CUX1: variants seen among roughly 807,000 people sequenced by gnomAD.
CUX1 encodes cut like homeobox 1.
In CUX1, 31 loss-of-function variants were observed where a neutral mutation model predicts 158.8. The ratio of observed to expected loss-of-function variants is 0.20; its 90% confidence interval spans 0.15 to 0.26. The LOEUF is 0.26. Ranked by LOEUF, CUX1 falls within the 10% of genes least tolerant of loss-of-function variation. The pLI is 1.00. For synonymous variants in CUX1, 879 were observed against 862.1 expected (o/e 1.02, Z -0.34); for missense variants, 1,589 against 2,014.6 (o/e 0.79, Z 4.04).
chr7:101,995,002 C>T (rs552151570), intron 2 of CUX1, among the ~76,000 whole-genome samples: 27 of 151,436 alleles, frequency 1.8e-4, no homozygotes, highest in South Asian at 4.2e-4. Context: ...AAGGCCGAGA[C>T]GGGGGGATCA....
At chr7:101,964,003 C>G (rs772601673) in intron 2 of CUX1, among the ~76,000 whole-genome samples, 1 of 151,860 alleles carries the variant, frequency 6.6e-6, no homozygotes, top group African/African-American at 2.4e-5. Context: ...TTCAACTTCT[C>G]GGCAACCCTG....
In CUX1 at chr7:102,250,703, CA is replaced by C; in HGVS notation, c.*1664del. 2 of 985,396 alleles carry C rather than the reference CA, an allele frequency of 2.0e-6. No individual in the cohort carries two copies. The highest frequency in any genetic ancestry group is 2.4e-6 in the Non-Finnish European group (2 of 829,930). 61.0% of individuals were successfully genotyped at this position (985,396 alleles called of 1,614,324 possible). ...GCACAGTTTTAGGGCAGTCTAAGTA[CA>C]AACTGAAAGTCTAACTTGTCTCTGA... On this transcript the variant is annotated 3_prime_UTR_variant, in exon 24 of 24. Coordinates refer to ENST00000292535, the MANE Select transcript of CUX1 (RefSeq NM_181552.4).
chr7:102,231,265 C>G (rs536760735), intron 21 of CUX1, among the ~76,000 whole-genome samples: 1 of 151,906 alleles, frequency 6.6e-6, no homozygotes, highest in Non-Finnish European at 1.5e-5. Context: ...CTCCTGACCT[C>G]GTGATCTGCC....
rs1789821941 is a variant in CUX1, at chr7:102,255,721, G to C, written c.*6679G>C. 1 of 985,360 alleles carries C rather than the reference G, an allele frequency of 1.0e-6. No homozygotes were observed. Among genetic ancestry groups the C allele is most frequent in the African/African-American group, 1.7e-5 (1 of 57,342 alleles). The allele number at this position is 985,360 out of a possible 1,614,324, so 61.0% of individuals were successfully genotyped here. A position where few individuals can be genotyped will look rare whatever the true frequency, so the allele number is the denominator to read the frequency against. ...AAGCACAGTGTGTACGGAAGCATTG[G>C]GACTTCTGCTGGTGAAACAAGAGAC... On this transcript the variant is annotated 3_prime_UTR_variant, in exon 24 of 24. Transcript: ENST00000292535.
At chr7:101,901,550 C>T (rs998441808) in intron 1 of CUX1, among the ~76,000 whole-genome samples, 1 of 152,144 alleles carries the variant, frequency 6.6e-6, no homozygotes, top group East Asian at 1.9e-4. Flanking sequence ...CTGCCTCGGC[C>T]TCCCAAAGTG....
At chr7:101,867,003 T>C (rs1797999383) in intron 1 of CUX1, among the ~76,000 whole-genome samples, 1 of 152,174 alleles carries the variant, frequency 6.6e-6, no homozygotes, top group Non-Finnish European at 1.5e-5. Context: ...GGTGGATCAC[T>C]TGAGGTCAGG....
At chr7:102,208,150 T>G (rs1669011407) in intron 20 of CUX1, among the ~76,000 whole-genome samples, 2 of 151,870 alleles carry the variant, frequency 1.3e-5, no homozygotes, top group Admixed American at 6.6e-5. Flanking sequence ...ATCACGCCAC[T>G]GCACTCCAAG....
At chr7:101,957,339 A>G (rs1031295511) in intron 2 of CUX1, among the ~76,000 whole-genome samples, 2 of 152,230 alleles carry the variant, frequency 1.3e-5, no homozygotes, top group African/African-American at 4.8e-5. Flanking sequence ...TCTAAGTCTT[A>G]GCAGGGATTA....
chr7:102,079,646 G>A (rs532091288), intron 4 of CUX1, among the ~76,000 whole-genome samples: 19 of 152,136 alleles, frequency 1.2e-4, no homozygotes, highest in African/African-American at 3.1e-4. Context: ...GGGCCCCTCC[G>A]GAGAGCTCCC....
At chr7:102,156,574 C>G (rs1050892064) in intron 8 of CUX1, among the ~76,000 whole-genome samples, 4 of 152,208 alleles carry the variant, frequency 2.6e-5, no homozygotes, top group Non-Finnish European at 5.9e-5. Context: ...CTAGACCCCA[C>G]CTCCCAATGC....
At chr7:102,148,036 G>A (rs1554502574) in intron 8 of CUX1, among the ~76,000 whole-genome samples, 6 of 152,198 alleles carry the variant, frequency 3.9e-5, no homozygotes, top group Non-Finnish European at 1.5e-5. Context: ...TATTTTGTGA[G>A]TACCTGCTGT....
intron 8 of CUX1, among the ~76,000 whole-genome samples, chr7:102,157,472 C>T (rs1376220184): frequency 6.6e-6 from 1 of 152,106 alleles, no homozygotes; most frequent in Non-Finnish European, 1.5e-5. Context: ...TGGAGTTGGC[C>T]GTGCCCTTCT....
At position 102,255,331 on chromosome 7, in the gene CUX1, T is replaced by C; in HGVS notation, c.*6289T>C. 6.1e-6 allele frequency: 6 copies of C among 981,118 alleles called. No individual in the cohort carries two copies. Among genetic ancestry groups the C allele is most frequent in the Non-Finnish European group, 7.2e-6 (6 of 829,534 alleles). 60.8% of individuals were successfully genotyped at this position (981,118 alleles called of 1,614,324 possible). On this transcript the variant is annotated 3_prime_UTR_variant, in exon 24 of 24. Transcript: ENST00000292535. ...TTTAACAAGACATTTCCAAAGCGCC[T>C]AGTCTCCTCCAAAATGCTAACTTTA...
chr7:102,008,711 C>CTAAG (rs1554450293), intron 2 of CUX1, among the ~76,000 whole-genome samples: 1 of 151,434 alleles, frequency 6.6e-6, no homozygotes, highest in Non-Finnish European at 1.5e-5. Flanking sequence ...CTGACCTTGA[C>CTAAG]TAGGACAGGA....
intron 3 of CUX1, among the ~76,000 whole-genome samples, chr7:102,056,381 T>C (rs1159308706): frequency 1.3e-5 from 2 of 152,236 alleles, no homozygotes; most frequent in Non-Finnish European, 2.9e-5. Context: ...ATAATGCAGC[T>C]GGTGACTTGA....
chr7:102,130,277 C>G (rs1833070403), intron 8 of CUX1, among the ~76,000 whole-genome samples: 1 of 152,136 alleles, frequency 6.6e-6, no homozygotes, highest in Non-Finnish European at 1.5e-5. Flanking sequence ...ATTTAATGCT[C>G]CAATGAACAG....
chr7:102,165,269 TTG>T (rs1554508365), intron 9 of CUX1, among the ~76,000 whole-genome samples: 1 of 152,016 alleles, frequency 6.6e-6, no homozygotes, highest in African/African-American at 2.4e-5. Flanking sequence ...ATGAGTCAAA[TTG>T]TTCAGACTTT....
At chr7:102,158,527 G>A (rs782331650) in intron 8 of CUX1, 33 bp from the exon 9 acceptor site, 8 of 1,613,114 alleles carry the variant, frequency 5.0e-6, no homozygotes, top group Non-Finnish European at 1.7e-6. Flanking sequence ...GTCTCCTTGT[G>A]ACTAACCTGC....
At chr7:102,279,937 C>CTT in intron 18 of CUX1, 1 of 774,030 alleles carries the variant, frequency 1.3e-6, no homozygotes, top group Admixed American at 2.1e-5. Context: ...CCCCACTTCC[C>CTT]TTTTTTGCAG....
Sources: allele counts gnomAD v4.1 joint callset (sites outside exome capture counted in the v4.1 genomes callset), GRCh38; gene constraint gnomAD v4.1.1; transcripts MANE v1.5; gene names NCBI Gene and HGNC (gene_info 2026-07-23, HGNC 2026-07-21).